Variants in EFCAB13 observed in about 807,000 individuals in gnomAD.
The protein encoded by EFCAB13 is EF-hand calcium-binding domain-containing protein 13.
Under a neutral mutation model 110.2 loss-of-function variants are expected in EFCAB13, and 91 were observed. The ratio of observed to expected loss-of-function variants is 0.83; its 90% confidence interval spans 0.70 to 0.98. The LOEUF is 0.98. Ranked by LOEUF, EFCAB13 falls within the 50% of genes least tolerant of loss-of-function variation. EFCAB13 has a pLI of 0.00. For missense variants in EFCAB13, 968 were observed against 1,119.4 expected (o/e 0.86, Z 1.93); for synonymous variants, 323 against 369.9 (o/e 0.87, Z 1.45).
chr17:47,390,347 T>TTC (rs954177998), intron 14 of EFCAB13, among the ~76,000 whole-genome samples: 12 of 138,160 alleles, frequency 8.7e-5, no homozygotes, highest in South Asian at 7.6e-4. Flanking sequence ...CACACACACT[T>TTC]TCTCTCTCTC....
intron 9 of EFCAB13, among the ~76,000 whole-genome samples, chr17:47,351,695 G>T (rs2097670049): frequency 6.6e-6 from 1 of 151,932 alleles, no homozygotes; most frequent in Non-Finnish European, 1.5e-5. Context: ...AGTCCTTGTT[G>T]GATGCATAGT....
At chr17:47,373,820 A>G (rs2065598836) in intron 11 of EFCAB13, among the ~76,000 whole-genome samples, 1 of 152,146 alleles carries the variant, frequency 6.6e-6, no homozygotes, top group Non-Finnish European at 1.5e-5. Flanking sequence ...AAATTTATTC[A>G]TAGTTGAGAT....
chr17:47,400,237 C>A (rs1239613297), intron 17 of EFCAB13, among the ~76,000 whole-genome samples: 1 of 152,212 alleles, frequency 6.6e-6, no homozygotes, highest in African/African-American at 2.4e-5. Context: ...GAAGCCAGAT[C>A]TGAATCTTTG....
chr17:47,430,906 C>T (rs968334009), intron 24 of EFCAB13, among the ~76,000 whole-genome samples: 3 of 152,040 alleles, frequency 2.0e-5, no homozygotes, highest in African/African-American at 7.2e-5. Flanking sequence ...AATGTCTATA[C>T]TTGATCTTAG....
At position 47,399,524 on chromosome 17, in the gene EFCAB13, C is replaced by T. The variant is rs917924992; in HGVS notation, c.1946-2608C>T. Reference sequence around the variant, plus strand: ...AATATTAAAGTTGAGCTTCTCTGACCAAAGTGGGAGAAATGACCAAGTGAA... The same window carrying T: ...AATATTAAAGTTGAGCTTCTCTGACTAAAGTGGGAGAAATGACCAAGTGAA... On this transcript the variant is annotated intron_variant, in intron 17 of 24. Transcript: ENST00000331493. 2.0e-5 allele frequency among the ~76,000 whole-genome samples: 3 copies of T among 151,700 alleles called. No individual in the cohort carries two copies. In the East Asian group the frequency reaches 5.8e-4, roughly 29 times the overall value.
At chr17:47,367,568 A>G (rs749058744) in intron 10 of EFCAB13, among the ~76,000 whole-genome samples, 1 of 152,160 alleles carries the variant, frequency 6.6e-6, no homozygotes, top group African/African-American at 2.4e-5. Context: ...TTGCACCCCT[A>G]TTTTCACAAA....
chr17:47,435,432 A>G (rs1007974749), intron 24 of EFCAB13, among the ~76,000 whole-genome samples: 1 of 152,156 alleles, frequency 6.6e-6, no homozygotes, highest in African/African-American at 2.4e-5. Flanking sequence ...AGTGTAAACT[A>G]ATAAAACCAC....
chr17:47,347,726 T>G (rs1359396569), intron 8 of EFCAB13, 82 bp from the exon 9 acceptor site: 4 of 1,120,544 alleles, frequency 3.6e-6, no homozygotes, highest in East Asian at 5.9e-5. Flanking sequence ...TTTTAGTGAT[T>G]ATTATTTTTT....
At chr17:47,415,157 T>C (rs1242326768) in intron 23 of EFCAB13, among the ~76,000 whole-genome samples, 1 of 151,754 alleles carries the variant, frequency 6.6e-6, no homozygotes, top group Non-Finnish European at 1.5e-5. Context: ...AAACACCGCA[T>C]ATTCTCACTC....
rs1020105521 is a variant in EFCAB13 at position 47,411,993 on chromosome 17, G to A, written c.2279-780G>A. 2.1e-4 allele frequency among the ~76,000 whole-genome samples: 32 copies of A among 152,198 alleles called. 2 individuals carry two copies. Among genetic ancestry groups the A allele is most frequent in the Admixed American group, 1.9e-3 (29 of 15,282 alleles). ...GCCTGTAATCCCAGCTACTTGGGAG[G>A]CTGAGGCAGGAGAATGGCATGAACC... On this transcript the variant is annotated intron_variant, in intron 21 of 24. Coordinates refer to ENST00000331493, the MANE Select transcript of EFCAB13 (RefSeq NM_152347.5).
intron 23 of EFCAB13, among the ~76,000 whole-genome samples, chr17:47,427,125 A>T (rs1205700019): frequency 1.3e-5 from 2 of 152,082 alleles, no homozygotes; most frequent in Non-Finnish European, 2.9e-5. Context: ...ACTGATTAAA[A>T]AGTTACAAAG....
intron 24 of EFCAB13, 90 bp downstream of exon 24, chr17:47,430,051 T>C: frequency 1.4e-6 from 2 of 1,416,910 alleles, no homozygotes; most frequent in Non-Finnish European, 1.9e-6. Context: ...GGATGGAGGG[T>C]ATCCTGTGGA....
At chr17:47,370,271 GTA>G (rs1202167007) in intron 10 of EFCAB13, among the ~76,000 whole-genome samples, 164 bp from the exon 11 acceptor site, 1 of 152,152 alleles carries the variant, frequency 6.6e-6, no homozygotes, top group Admixed American at 6.5e-5. Flanking sequence ...TGTTGGGCGT[GTA>G]CTGAGTTATT....
Position 47,328,386 on chromosome 17 carries a change from A to T in EFCAB13, c.30+3A>T. On this transcript the variant is annotated splice_donor_region_variant and intron_variant, in intron 4 of 24. Coordinates refer to ENST00000331493, the MANE Select transcript of EFCAB13 (RefSeq NM_152347.5). ...CTAAAGTACATTTATTCTGCCAGGT[A>T]TTTATTTAAAACAGTTTCTAAAGAT... is the stretch of plus-strand genomic sequence containing the variant. The T allele has an allele frequency of 1.9e-6, 3 of 1,574,966 alleles. No individual in the cohort carries two copies. Among genetic ancestry groups the T allele is most frequent in the Non-Finnish European group, 2.6e-6 (3 of 1,160,500 alleles).
At chr17:47,341,636 C>G (rs2065385370) in intron 5 of EFCAB13, among the ~76,000 whole-genome samples, 1 of 152,082 alleles carries the variant, frequency 6.6e-6, no homozygotes, top group African/African-American at 2.4e-5. Context: ...TCTGGGATTA[C>G]AGGTGTGCAC....
chr17:47,347,962 T>G lies in EFCAB13; in HGVS notation c.661+11T>G, dbSNP rs1178174676. On this transcript the variant is annotated intron_variant, in intron 9 of 24. Coordinates refer to ENST00000331493, the MANE Select transcript of EFCAB13 (RefSeq NM_152347.5). ...CTGTTGATATTGATGGTAAGTTTTA[T>G]CTTTTCAGTATTAGTTTAAGGGTCT... 7.0e-7 allele frequency: 1 copy of G among 1,429,884 alleles called. No homozygotes were observed. Among genetic ancestry groups the G allele is most frequent in the African/African-American group, 1.4e-5 (1 of 70,584 alleles). 88.6% of individuals were successfully genotyped at this position (1,429,884 alleles called of 1,614,324 possible).
At chr17:47,325,923 AATATATATATATATATATATATAT>A (rs60735562) in intron 2 of EFCAB13, among the ~76,000 whole-genome samples, 4,461 of 102,594 alleles carry the variant, frequency 0.043, 389 homozygotes, top group African/African-American at 0.16. Context: ...ATATAAACAA[AATATATATATATATATATATATAT>A]ATATATATAT....
rs2065575523 is a variant in EFCAB13, at chr17:47,370,461, A to C, written c.830A>C (p.Asp277Ala). The C allele has an allele frequency of 6.2e-7, 1 of 1,605,736 alleles. No homozygotes were observed. The highest frequency in any genetic ancestry group is 1.3e-5 in the African/African-American group (1 of 74,872). The part of the protein sequence containing the change: ...IDSNHMVDIG[D>A]IIFTLNELQE... ...GGTAACCACATGGTGGATATTGGGG[A>C]TATTATATTTACTTTGAATGAGCTA... The change falls in exon 11 of 25, where the codon GAT becomes GCT. Residue 277 changes from aspartate to alanine, a missense_variant. Transcript: ENST00000331493.
At chr17:47,425,893 A>G (rs1395811632) in intron 23 of EFCAB13, among the ~76,000 whole-genome samples, 1 of 152,202 alleles carries the variant, frequency 6.6e-6, no homozygotes, top group Non-Finnish European at 1.5e-5. Flanking sequence ...TTTTGAATCT[A>G]GAAGATGATG....
Sources: gnomAD v4.1 joint callset for allele counts (sites outside exome capture counted in the v4.1 genomes callset) on GRCh38, gnomAD v4.1.1 for gene constraint, MANE v1.5 for transcripts, NCBI Gene and HGNC (gene_info 2026-07-23, HGNC 2026-07-21) for gene names.